CCDC81: variants seen among roughly 807,000 people sequenced by gnomAD.
The protein encoded by CCDC81 is coiled-coil domain-containing protein 81.
A neutral mutation model predicts 83.7 loss-of-function variants in CCDC81; 79 were observed. That is an observed-to-expected ratio of 0.94 (90% confidence interval 0.79 to 1.14). The LOEUF (loss-of-function observed/expected upper bound fraction) is 1.14, where lower values mean the gene tolerates loss of function less well. CCDC81 is among the 50% of genes most tolerant of loss of function. The pLI is 0.00. For missense variants in CCDC81, 791 were observed against 778.1 expected (o/e 1.02, Z -0.20); for synonymous variants, 252 against 278.1 (o/e 0.91, Z 0.93).
intron 10 of CCDC81, among the ~76,000 whole-genome samples, chr11:86,411,440 C>T (rs1484099784): frequency 3.3e-5 from 5 of 152,310 alleles, no homozygotes; most frequent in South Asian, 2.1e-4. Context: ...TAGCACTTAG[C>T]ACTATCTTAA....
At chr11:86,418,213 AAC>A (rs1210352416) in intron 13 of CCDC81, among the ~76,000 whole-genome samples, 1 of 152,236 alleles carries the variant, frequency 6.6e-6, no homozygotes, top group Non-Finnish European at 1.5e-5. Context: ...GAAAAAAAAT[AAC>A]ACGCGTTAGT....
chr11:86,393,083 G>A (rs1271312400), intron 4 of CCDC81, among the ~76,000 whole-genome samples: 3 of 152,142 alleles, frequency 2.0e-5, no homozygotes, highest in Non-Finnish European at 4.4e-5. Flanking sequence ...TGTTTTTTGA[G>A]ACAGAGTCTC....
In CCDC81 at chr11:86,400,739, T is replaced by C; in HGVS notation, c.819T>C (p.Asn273=). ...CTTTGTTCCCTGCCAAAGTGACAAA[T>C]GTCAGCTTGCTGGAAAAGTTTGAAC... ...RQALFPAKVT[N]VSLLEKFERS... Residue 273 remains asparagine (N), a synonymous_variant, in exon 7 of 15, where the codon AAT becomes AAC. Coordinates refer to ENST00000445632, the MANE Select transcript of CCDC81 (RefSeq NM_001156474.2). The C allele has an allele frequency of 6.2e-7, 1 of 1,613,132 alleles. No individual in the cohort carries two copies. Among genetic ancestry groups the C allele is most frequent in the Non-Finnish European group, 8.5e-7 (1 of 1,179,232 alleles).
chr11:86,419,868 C>T (rs988781040), intron 13 of CCDC81, 60 bp from the exon 14 acceptor site: 3 of 1,521,092 alleles, frequency 2.0e-6, no homozygotes, highest in African/African-American at 1.4e-5. Context: ...GAATGGGGCT[C>T]CCAAATTTGG....
At chr11:86,421,552 C>T (rs1034694367) in intron 14 of CCDC81, among the ~76,000 whole-genome samples, 3 of 152,182 alleles carry the variant, frequency 2.0e-5, no homozygotes, top group Non-Finnish European at 4.4e-5. Context: ...CCTCGCAATC[C>T]GCCCGCCTCG....
chr11:86,400,720 T>C lies in CCDC81; in HGVS notation c.800T>C (p.Phe267Ser). The C allele has an allele frequency of 6.2e-7, 1 of 1,613,100 alleles. No homozygotes were observed. The highest frequency in any genetic ancestry group is 1.1e-5 in the South Asian group (1 of 90,982). ...AGACTTCGAGATAGACAAGCTTTGT[T>C]CCCTGCCAAAGTGACAAATGTCAGC... ...PKRLRDRQALFPAKVTNVSLL... is the reference protein window; with the variant it reads ...PKRLRDRQALSPAKVTNVSLL... The change falls in exon 7 of 15, where the codon TTC becomes TCC. Residue 267 changes from phenylalanine (F) to serine (S), a missense_variant. Phe to Ser is a radical substitution (Grantham distance 155). Coordinates refer to ENST00000445632, the MANE Select transcript of CCDC81 (RefSeq NM_001156474.2).
intron 14 of CCDC81, among the ~76,000 whole-genome samples, chr11:86,421,483 G>A (rs901298776): frequency 1.3e-5 from 2 of 151,992 alleles, no homozygotes; most frequent in Admixed American, 1.3e-4. Flanking sequence ...CTAATTTTTT[G>A]TGTTTTTTAG....
intron 1 of CCDC81, among the ~76,000 whole-genome samples, chr11:86,383,226 A>G (rs1948196690): frequency 6.6e-6 from 1 of 152,240 alleles, no homozygotes; most frequent in South Asian, 2.1e-4. Flanking sequence ...TCTTCCACGT[A>G]GCACACTGCT....
chr11:86,377,840 T>C (rs1948118014), intron 1 of CCDC81, among the ~76,000 whole-genome samples: 1 of 152,092 alleles, frequency 6.6e-6, no homozygotes, highest in Non-Finnish European at 1.5e-5. Flanking sequence ...GTCATTGCTA[T>C]ACCCAAGATC....
chr11:86,407,490 A>G (rs1310491431), intron 7 of CCDC81, 124 bp from the exon 8 acceptor site: 2 of 670,380 alleles, frequency 3.0e-6, no homozygotes, highest in Admixed American at 4.6e-5. Context: ...ACCTCTATAC[A>G]TATAGCTGTT....
rs767224921 is a variant in CCDC81, at chr11:86,414,852, A to G, written c.1455A>G (p.Arg485=). The change falls in exon 12 of 15, where the codon AGA becomes AGG. Residue 485 remains arginine, a synonymous_variant. Coordinates refer to ENST00000445632, the MANE Select transcript of CCDC81 (RefSeq NM_001156474.2). ...DKMEETQCYK[R]ALDAQIKNKP... ...TGGAAGAAACACAGTGTTACAAGAG[A>G]GCTTTGGATGCACAGGTAAGGGGAC... The G allele has an allele frequency of 1.9e-6, 3 of 1,609,598 alleles. No homozygotes were observed. Among genetic ancestry groups the G allele is most frequent in the Non-Finnish European group, 2.5e-6 (3 of 1,178,942 alleles).
At chr11:86,408,325 A>AATC in intron 9 of CCDC81, 55 bp downstream of exon 9, 1 of 1,446,904 alleles carries the variant, frequency 6.9e-7, no homozygotes, top group Non-Finnish European at 9.3e-7. Context: ...ATGATTATAT[A>AATC]ATGTAATTTA....
intron 1 of CCDC81, 87 bp downstream of exon 1, chr11:86,375,329 C>A: frequency 1.7e-6 from 2 of 1,206,712 alleles, no homozygotes; most frequent in Non-Finnish European, 2.4e-6. Flanking sequence ...CTTCCCAATT[C>A]CCTGGCTCAG....
At chr11:86,404,473 C>T (rs552978292) in intron 7 of CCDC81, among the ~76,000 whole-genome samples, 4 of 152,286 alleles carry the variant, frequency 2.6e-5, no homozygotes, top group African/African-American at 9.6e-5. Flanking sequence ...AACCCCTGCT[C>T]TAAAGGATCT....
chr11:86,421,551 C>T (rs1948790847), intron 14 of CCDC81, among the ~76,000 whole-genome samples: 1 of 152,190 alleles, frequency 6.6e-6, no homozygotes, highest in Admixed American at 6.5e-5. Context: ...ACCTCGCAAT[C>T]CGCCCGCCTC....
chr11:86,379,620 A>G (rs759880684), intron 1 of CCDC81, among the ~76,000 whole-genome samples: 2 of 152,176 alleles, frequency 1.3e-5, no homozygotes, highest in Non-Finnish European at 2.9e-5. Flanking sequence ...ATGCATAAGC[A>G]TACATAATTG....
At chr11:86,422,139 C>T (rs758689781) in intron 14 of CCDC81, among the ~76,000 whole-genome samples, 25 of 152,318 alleles carry the variant, frequency 1.6e-4, no homozygotes, top group Middle Eastern at 3.4e-3. Context: ...TGTAAGTCCT[C>T]TCAACTCTCT....
chr11:86,395,202 C>T (rs748826009), intron 4 of CCDC81, 132 bp from the exon 5 acceptor site: 3 of 619,794 alleles, frequency 4.8e-6, no homozygotes, highest in Middle Eastern at 2.5e-4. Flanking sequence ...AAGCTCTGGA[C>T]TTATAAGCGC....
chr11:86,403,474 T>C (rs895952756), intron 7 of CCDC81, among the ~76,000 whole-genome samples: 1 of 152,150 alleles, frequency 6.6e-6, no homozygotes, highest in Admixed American at 6.5e-5. Flanking sequence ...ATGATTACAT[T>C]TTCATTTTGA....
Sources: gnomAD v4.1 joint callset for allele counts (sites outside exome capture counted in the v4.1 genomes callset) on GRCh38, gnomAD v4.1.1 for gene constraint, MANE v1.5 for transcripts, NCBI Gene and HGNC (gene_info 2026-07-23, HGNC 2026-07-21) for gene names.